FAM47E: variants seen among roughly 807,000 people sequenced by gnomAD.
FAM47E encodes the protein protein FAM47E.
Under a neutral mutation model 41.6 loss-of-function variants are expected in FAM47E, and 32 were observed. The ratio of observed to expected loss-of-function variants is 0.77; its 90% confidence interval spans 0.58 to 1.03. FAM47E has a LOEUF of 1.03. FAM47E is among the 50% of genes least tolerant of loss of function. The pLI is 0.00. For missense variants in FAM47E, 424 were observed against 485.4 expected, an observed-to-expected ratio of 0.87 and a Z score of 1.19; for synonymous variants, 184 against 188.7, an observed-to-expected ratio of 0.98 and a Z score of 0.20.
intron 3 of FAM47E, among the ~76,000 whole-genome samples, chr4:76,266,326 C>T (rs1387106105): frequency 6.6e-6 from 1 of 152,344 alleles, no homozygotes; most frequent in East Asian, 1.9e-4. Flanking sequence ...TAATTGGCAT[C>T]TCAGACTAGA....
At chr4:76,238,736 ACC>A (rs2109990024) in intron 2 of FAM47E, among the ~76,000 whole-genome samples, 1 of 152,290 alleles carries the variant, frequency 6.6e-6, no homozygotes, top group Admixed American at 6.5e-5. Flanking sequence ...TTGTTTATTT[ACC>A]ACAATTTTTA....
chr4:76,251,912 G>A (rs924770330), intron 1 of FAM47E, 92 bp downstream of exon 1: 2 of 1,344,398 alleles, frequency 1.5e-6, no homozygotes, highest in Non-Finnish European at 1.9e-6. Flanking sequence ...GGGGCGAGGG[G>A]AGAGGTCCAG....
At chr4:76,250,635 C>T (rs1733936406), upstream of FAM47E, among the ~76,000 whole-genome samples, 1 of 152,108 alleles carries the variant, frequency 6.6e-6, no homozygotes, top group African/African-American at 2.4e-5. Context: ...ATACTTTTGG[C>T]CCAGTTCTCA....
chr4:76,217,466 G>A (rs1156621722), intron 1 of FAM47E: 1 of 407,154 alleles, frequency 2.5e-6, no homozygotes, highest in African/African-American at 2.0e-5. Flanking sequence ...TCAGGCATGA[G>A]TGAGTTGTCA....
chr4:76,224,911 T>G (rs949388281), intron 2 of FAM47E, among the ~76,000 whole-genome samples: 26 of 152,056 alleles, frequency 1.7e-4, no homozygotes, highest in African/African-American at 6.3e-4. Flanking sequence ...CCTCCTACCC[T>G]TCCCCCCAAG....
chr4:76,260,602 A>T (rs2869863), intron 2 of FAM47E, among the ~76,000 whole-genome samples: 1 of 152,112 alleles, frequency 6.6e-6, no homozygotes, highest in Admixed American at 6.5e-5. Context: ...ACCTGAAACT[A>T]TACAAATTCT....
intron 3 of FAM47E, chr4:76,268,214 A>G (rs1348798744): frequency 1.8e-5 from 3 of 164,374 alleles, no homozygotes; most frequent in Non-Finnish European, 3.9e-5. Flanking sequence ...ATGCAGAGAC[A>G]CTAGCATTTT....
chr4:76,253,867 CT>C (rs1734075551), intron 1 of FAM47E, among the ~76,000 whole-genome samples: 1 of 151,404 alleles, frequency 6.6e-6, no homozygotes, highest in African/African-American at 2.4e-5. Context: ...AATCCCAACA[CT>C]TTGGGAAGCG....
chr4:76,254,128 GA>G (rs35201794), intron 1 of FAM47E, among the ~76,000 whole-genome samples: 101,853 of 129,616 alleles, frequency 0.79, 39,736 homozygotes, highest in Non-Finnish European at 0.87. Flanking sequence ...ACCCTGTCTT[GA>G]AAAAAAAAAA....
intron 5 of FAM47E, among the ~76,000 whole-genome samples, chr4:76,274,450 A>G (rs986207477): frequency 6.6e-6 from 1 of 152,144 alleles, no homozygotes; most frequent in Non-Finnish European, 1.5e-5. Context: ...ATGTGGTGGC[A>G]TGTACCTGTA....
At chr4:76,253,420 A>G (rs898725137) in intron 1 of FAM47E, among the ~76,000 whole-genome samples, 2 of 152,198 alleles carry the variant, frequency 1.3e-5, no homozygotes, top group African/African-American at 4.8e-5. Flanking sequence ...ATTCTTAAAG[A>G]GGGAAATATC....
In FAM47E at chr4:76,283,581, T is replaced by G; in HGVS notation, c.*123T>G. The G allele has an allele frequency of 3.2e-6, 2 of 624,074 alleles. No individual in the cohort carries two copies. The highest frequency in any genetic ancestry group is 4.0e-5 in the South Asian group (2 of 49,790). The allele number at this position is 624,074 out of a possible 1,614,324, so 38.7% of individuals were successfully genotyped here. ...CCCACTGTGGATGTTCAACTTTGAC[T>G]TGGCAACATCTGTAAATGTAATACC... On this transcript the variant is annotated 3_prime_UTR_variant, in exon 8 of 8. Transcript: ENST00000424749.
chr4:76,275,429 C>T (rs1735054612), intron 5 of FAM47E, among the ~76,000 whole-genome samples: 1 of 152,126 alleles, frequency 6.6e-6, no homozygotes, highest in East Asian at 1.9e-4. Context: ...TCTTTGCCGT[C>T]TATATTAATT....
intron 1 of FAM47E, among the ~76,000 whole-genome samples, chr4:76,216,147 C>T (rs922049994): frequency 6.6e-6 from 1 of 152,138 alleles, no homozygotes. Flanking sequence ...TTTCTCTTCC[C>T]CTAATCCTGC....
upstream of FAM47E, among the ~76,000 whole-genome samples, chr4:76,249,120 C>T (rs1201741097): frequency 3.9e-5 from 6 of 152,010 alleles, no homozygotes; most frequent in South Asian, 2.1e-4. Flanking sequence ...CCTAGCTACT[C>T]GGGAAGCTGA....
At chr4:76,219,965 G>A (rs56153157) in intron 2 of FAM47E, among the ~76,000 whole-genome samples, 82,463 of 152,024 alleles carry the variant, frequency 0.54, 23,554 homozygotes, top group African/African-American at 0.6. Context: ...AATAAATACT[G>A]TTTCTTTTTA....
Position 76,283,554 on chromosome 4 carries a change from G to A in FAM47E, c.*96G>A, listed in dbSNP as rs965186311. 4.1e-6 allele frequency: 3 copies of A among 733,912 alleles called. No homozygotes were observed. Among genetic ancestry groups the A allele is most frequent in the Admixed American group, 2.4e-5 (1 of 41,536 alleles). 45.5% of individuals were successfully genotyped at this position (733,912 alleles called of 1,614,324 possible). On this transcript the variant is annotated 3_prime_UTR_variant, in exon 8 of 8. Coordinates refer to ENST00000424749, the MANE Select transcript of FAM47E (RefSeq NM_001136570.3). ...AGATTAAACAGAGTTTATGATGAGT[G>A]TCCCACTGTGGATGTTCAACTTTGA...
At chr4:76,271,176 T>C (rs1265468548) in intron 4 of FAM47E, among the ~76,000 whole-genome samples, 1 of 152,230 alleles carries the variant, frequency 6.6e-6, no homozygotes, top group Non-Finnish European at 1.5e-5. Context: ...TGCGGCTGAC[T>C]AAAACCGCCT....
chr4:76,222,997 A>G (rs1161836827), intron 2 of FAM47E, among the ~76,000 whole-genome samples: 3 of 152,280 alleles, frequency 2.0e-5, no homozygotes, highest in East Asian at 3.9e-4. Flanking sequence ...GCAGGATCAG[A>G]CCTTGACAGG....
Sources: gnomAD v4.1 joint callset for allele counts (sites outside exome capture counted in the v4.1 genomes callset) on GRCh38, gnomAD v4.1.1 for gene constraint, MANE v1.5 for transcripts, NCBI Gene and HGNC (gene_info 2026-07-23, HGNC 2026-07-21) for gene names.